DAB1: variants seen among roughly 807,000 people sequenced by gnomAD.
DAB1 encodes disabled homolog 1.
DAB1 carries 15 observed loss-of-function variants against 64.6 expected under a neutral mutation model. The ratio of observed to expected loss-of-function variants is 0.23; its 90% confidence interval spans 0.16 to 0.36. The LOEUF (loss-of-function observed/expected upper bound fraction) is 0.36, where lower values mean the gene tolerates loss of function less well. DAB1 is among the 10% of genes least tolerant of loss of function. The probability of loss-of-function intolerance (pLI) is 1.00; values close to 1 mark genes in which losing one functional copy is unlikely to be tolerated. For synonymous variants in DAB1, 235 were observed against 251.9 expected, an observed-to-expected ratio of 0.93 and a Z score of 0.64; for missense variants, 596 against 706.7, an observed-to-expected ratio of 0.84 and a Z score of 1.78.
chr1:57,039,194 C>T (rs192270169), intron 9 of DAB1, among the ~76,000 whole-genome samples: 136 of 152,328 alleles, frequency 8.9e-4, no homozygotes, highest in African/African-American at 3.2e-3. Flanking sequence ...ATTTAAGCCT[C>T]AGTTTCCCCC....
chr1:58,166,416 T>C (rs1338904126), intron 4 of DAB1, among the ~76,000 whole-genome samples: 1 of 152,224 alleles, frequency 6.6e-6, no homozygotes, highest in Non-Finnish European at 1.5e-5. Flanking sequence ...TTGTATGTGA[T>C]GTTTTGCATC....
At chr1:57,202,717 A>G (rs1026639081) in intron 2 of DAB1, among the ~76,000 whole-genome samples, 3 of 152,120 alleles carry the variant, frequency 2.0e-5, no homozygotes, top group Non-Finnish European at 2.9e-5. Flanking sequence ...CCTCCCTGAA[A>G]CCCTGTAATC....
chr1:58,219,017 C>G (rs1036954321), intron 4 of DAB1, among the ~76,000 whole-genome samples: 2 of 125,766 alleles, frequency 1.6e-5, no homozygotes, highest in African/African-American at 6.1e-5. Context: ...CTCTCTCTCT[C>G]TCTCTCTCTG....
chr1:57,898,101 A>G (rs1644418891), intron 5 of DAB1, among the ~76,000 whole-genome samples: 2 of 152,110 alleles, frequency 1.3e-5, no homozygotes, highest in Admixed American at 1.3e-4. Context: ...GCTGGTCCCT[A>G]CTGCCCCTCT....
At chr1:57,202,690 C>T (rs1328810196) in intron 2 of DAB1, among the ~76,000 whole-genome samples, 1 of 152,200 alleles carries the variant, frequency 6.6e-6, no homozygotes, top group Admixed American at 6.5e-5. Context: ...TCACATCCAT[C>T]CATTATTTCA....
At chr1:58,301,687 C>G (rs1662173442) in intron 4 of DAB1, among the ~76,000 whole-genome samples, 1 of 152,126 alleles carries the variant, frequency 6.6e-6, no homozygotes, top group African/African-American at 2.4e-5. Flanking sequence ...GGAAAGAGCT[C>G]ACACAAGGAA....
At chr1:57,275,551 G>T (rs1404933199) in intron 2 of DAB1, among the ~76,000 whole-genome samples, 1 of 152,160 alleles carries the variant, frequency 6.6e-6, no homozygotes, top group Non-Finnish European at 1.5e-5. Context: ...ATTGTGAGGG[G>T]ACAAAACTAA....
At chr1:57,280,399 T>C (rs1170342097) in intron 2 of DAB1, among the ~76,000 whole-genome samples, 2 of 152,210 alleles carry the variant, frequency 1.3e-5, no homozygotes, top group Non-Finnish European at 2.9e-5. Flanking sequence ...TCAGCACACC[T>C]GGGAACATTG....
chr1:57,793,323 A>G (rs1175065783), intron 6 of DAB1, among the ~76,000 whole-genome samples: 3 of 152,196 alleles, frequency 2.0e-5, no homozygotes, highest in Non-Finnish European at 4.4e-5. Context: ...GTTACCTCAG[A>G]TGGATGGCTG....
intron 7 of DAB1, among the ~76,000 whole-genome samples, chr1:57,437,087 T>C (rs978425626): frequency 1.3e-5 from 2 of 150,112 alleles, no homozygotes; most frequent in African/African-American, 4.9e-5. Context: ...TGAAAAGATG[T>C]TGGATGATGG....
intron 1 of DAB1, among the ~76,000 whole-genome samples, chr1:57,363,478 G>A (rs1332393474): frequency 1.3e-5 from 2 of 151,732 alleles, no homozygotes; most frequent in Non-Finnish European, 2.9e-5. Flanking sequence ...GAGCAGGTGG[G>A]CCAACTGTGC....
intron 7 of DAB1, among the ~76,000 whole-genome samples, chr1:57,511,594 G>GT (rs997818307): frequency 5.9e-5 from 9 of 151,994 alleles, no homozygotes; most frequent in Non-Finnish European, 5.9e-5. Flanking sequence ...AATTTCCCTT[G>GT]TTTTTTTCTT....
intron 7 of DAB1, among the ~76,000 whole-genome samples, chr1:57,546,549 T>C (rs1467749098): frequency 2.0e-5 from 3 of 152,184 alleles, no homozygotes; most frequent in Non-Finnish European, 4.4e-5. Flanking sequence ...ATAATAATAG[T>C]ATCCCCTTTA....
intron 4 of DAB1, among the ~76,000 whole-genome samples, chr1:58,291,571 T>C (rs1242119098): frequency 6.6e-6 from 1 of 152,220 alleles, no homozygotes; most frequent in Non-Finnish European, 1.5e-5. Flanking sequence ...GGACCTACAA[T>C]GGTGTCTAAC....
chr1:58,148,776 C>T (rs1437530815), intron 5 of DAB1, among the ~76,000 whole-genome samples: 1 of 74,954 alleles, frequency 1.3e-5, no homozygotes, highest in East Asian at 5.3e-4. Flanking sequence ...AGAAATCACA[C>T]CCCCCCCCCA....
intron 6 of DAB1, among the ~76,000 whole-genome samples, chr1:57,716,332 T>C (rs182126877): frequency 6.6e-6 from 1 of 152,270 alleles, no homozygotes; most frequent in African/African-American, 2.4e-5. Context: ...TTACCTGACT[T>C]CAAAATATAT....
At chr1:58,081,303 T>C (rs1649981744) in intron 5 of DAB1, among the ~76,000 whole-genome samples, 1 of 152,358 alleles carries the variant, frequency 6.6e-6, no homozygotes, top group Admixed American at 6.5e-5. Context: ...CAGCAACAAA[T>C]AGCACCAGAA....
intron 7 of DAB1, among the ~76,000 whole-genome samples, chr1:57,636,683 G>T (rs1307879539): frequency 6.6e-6 from 1 of 152,180 alleles, no homozygotes; most frequent in Non-Finnish European, 1.5e-5. Context: ...TGGGTCAAAG[G>T]TGGCTCCAAG....
At chr1:58,028,362 A>G (rs1646924891) in intron 5 of DAB1, among the ~76,000 whole-genome samples, 1 of 152,232 alleles carries the variant, frequency 6.6e-6, no homozygotes, top group Non-Finnish European at 1.5e-5. Context: ...ACTCATAGCC[A>G]GCAGCACTAT....
Sources: gnomAD v4.1 joint callset for allele counts (sites outside exome capture counted in the v4.1 genomes callset) on GRCh38, gnomAD v4.1.1 for gene constraint, MANE v1.5 for transcripts, NCBI Gene and HGNC (gene_info 2026-07-23, HGNC 2026-07-21) for gene names.